Variants in KIAA2012 observed in about 807,000 individuals in gnomAD.
KIAA2012 encodes uncharacterized protein KIAA2012.
Under a neutral mutation model 150.6 loss-of-function variants are expected in KIAA2012, and 125 were observed. The observed-to-expected ratio is 0.83, with a 90% confidence interval of 0.72 to 0.96. The LOEUF (loss-of-function observed/expected upper bound fraction) is 0.96, where lower values mean the gene tolerates loss of function less well. KIAA2012 is among the 40% of genes least tolerant of loss of function. The pLI, the probability that KIAA2012 is intolerant of heterozygous loss-of-function variation, is 0.00. For synonymous variants in KIAA2012, 462 were observed against 504.7 expected, an observed-to-expected ratio of 0.92 and a Z score of 1.13; for missense variants, 1,219 against 1,354.9, an observed-to-expected ratio of 0.90 and a Z score of 1.57.
At chr2:202,183,637 G>A (rs1692167579) in intron 15 of KIAA2012, among the ~76,000 whole-genome samples, 1 of 151,910 alleles carries the variant, frequency 6.6e-6, no homozygotes, top group South Asian at 2.1e-4. Flanking sequence ...CCGAGTAGCA[G>A]GGATCACAGG....
At chr2:202,096,104 A>C (rs1020415120) in intron 4 of KIAA2012, among the ~76,000 whole-genome samples, 1 of 152,122 alleles carries the variant, frequency 6.6e-6, no homozygotes, top group African/African-American at 2.4e-5. Flanking sequence ...CACCCAAAAA[A>C]AAAGAGACTA....
intron 14 of KIAA2012, among the ~76,000 whole-genome samples, chr2:202,160,513 C>T (rs1314434267): frequency 5.3e-5 from 8 of 152,002 alleles, no homozygotes; most frequent in Non-Finnish European, 8.8e-5. Flanking sequence ...CGGGGTTTTA[C>T]CATGTTAGCC....
chr2:202,081,054 G>T (rs900225809), intron 2 of KIAA2012, among the ~76,000 whole-genome samples: 6 of 152,146 alleles, frequency 3.9e-5, no homozygotes, highest in African/African-American at 1.2e-4. Context: ...CTGTGAATTT[G>T]ACTATTCTGA....
chr2:202,155,949 T>G (rs1208213716), intron 14 of KIAA2012, among the ~76,000 whole-genome samples: 1 of 152,094 alleles, frequency 6.6e-6, no homozygotes, highest in African/African-American at 2.4e-5. Flanking sequence ...ATAAACCAAA[T>G]GTGGGTCACT....
chr2:202,193,065 A>T (rs71425922), intron 19 of KIAA2012, among the ~76,000 whole-genome samples: 16,247 of 152,212 alleles, frequency 0.11, 1,047 homozygotes, highest in Non-Finnish European at 0.13. Context: ...AATATCGGGA[A>T]GTTTAAGTTG....
At chr2:202,077,086 CCCAGCTCCTCCAGGTGACCCCA>C (rs368260303) in intron 2 of KIAA2012, 5,996 of 456,790 alleles carry the variant, frequency 0.013, 275 homozygotes, top group African/African-American at 0.11. Flanking sequence ...CACTATGACC[CCCAGCTCCTCCAGGTGACCCCA>C]CCAGCTCCTC....
intron 21 of KIAA2012, 77 bp from the exon 22 acceptor site, chr2:202,196,723 G>A (rs1692421804): frequency 2.7e-6 from 4 of 1,492,836 alleles, no homozygotes; most frequent in Non-Finnish European, 3.6e-6. Context: ...CAGAATCACA[G>A]ATTTGAGAGT....
At chr2:202,150,420 GGTTTTTTTGTTT>G (rs1347013378) in intron 13 of KIAA2012, among the ~76,000 whole-genome samples, 1 of 151,326 alleles carries the variant, frequency 6.6e-6, no homozygotes, top group Non-Finnish European at 1.5e-5. Context: ...TTTGGTGTGG[GGTTTTTTTGTTT>G]GTTTTTTTGT....
intron 11 of KIAA2012, among the ~76,000 whole-genome samples, chr2:202,120,631 G>T (rs954543619): frequency 2.6e-5 from 4 of 152,024 alleles, no homozygotes; most frequent in East Asian, 1.9e-4. Context: ...CTGCCACAAC[G>T]ATTGCTATTT....
chr2:202,113,722 T>G (rs935863969), intron 11 of KIAA2012: 13 of 375,804 alleles, frequency 3.5e-5, no homozygotes, highest in African/African-American at 6.2e-5. Flanking sequence ...GATGCCTTGA[T>G]GAGAATGATA....
At chr2:202,204,274 G>A (rs778861278) in intron 23 of KIAA2012, among the ~76,000 whole-genome samples, 3 of 151,724 alleles carry the variant, frequency 2.0e-5, no homozygotes, top group Admixed American at 6.6e-5. Flanking sequence ...ATGGGGTTTC[G>A]TCATGATGCT....
intron 11 of KIAA2012, chr2:202,115,035 T>C (rs1690479564): frequency 6.0e-6 from 1 of 166,910 alleles, no homozygotes; most frequent in Non-Finnish European, 1.5e-5. Flanking sequence ...CATCTTCCTA[T>C]AAAGGTCTGG....
chr2:202,078,464 AT>A (rs1452994553), intron 2 of KIAA2012, among the ~76,000 whole-genome samples: 2 of 151,608 alleles, frequency 1.3e-5, no homozygotes, highest in Non-Finnish European at 2.9e-5. Context: ...AATTTTTTGT[AT>A]TTTTGTAGAG....
intron 14 of KIAA2012, among the ~76,000 whole-genome samples, chr2:202,161,300 A>G (rs1200905910): frequency 6.6e-6 from 1 of 152,084 alleles, no homozygotes; most frequent in Non-Finnish European, 1.5e-5. Context: ...CTCCTCTCCC[A>G]GTCTTATAAT....
In KIAA2012 at chr2:202,188,183, A is replaced by T; in HGVS notation, c.2408A>T (p.Lys803Met). The change falls in exon 18 of 24, where the codon AAG becomes ATG. Residue 803 changes from lysine to methionine, a missense_variant. Lys to Met is a moderately conservative substitution (Grantham distance 95). Transcript: ENST00000498697. ...GATTTGATTAACGAGGCCAAGAGAA[A>T]GGAAAAACCCAAGAAAGACAAAACC... The part of the protein sequence containing the change: ...ERDLINEAKR[K>M]EKPKKDKTKG... The T allele has an allele frequency of 6.4e-7, 1 of 1,550,792 alleles. No individual in the cohort carries two copies. The highest frequency in any genetic ancestry group is 8.7e-7 in the Non-Finnish European group (1 of 1,147,034).
intron 15 of KIAA2012, among the ~76,000 whole-genome samples, chr2:202,168,445 A>T: frequency 6.6e-6 from 1 of 151,476 alleles, no homozygotes; most frequent in African/African-American, 2.4e-5. Flanking sequence ...GAAAGAAAAA[A>T]AAAGAAAAGT....
chr2:202,125,788 G>C (rs945021629), intron 12 of KIAA2012: 2 of 430,738 alleles, frequency 4.6e-6, no homozygotes, highest in African/African-American at 2.1e-5. Context: ...GCAAAAACTG[G>C]GAGTATAGGT....
Position 202,105,884 on chromosome 2 carries a change from C to T in KIAA2012, c.1448C>T (p.Ala483Val), listed in dbSNP as rs1229689290. 2.6e-6 allele frequency: 4 copies of T among 1,550,880 alleles called. No individual in the cohort carries two copies. Among genetic ancestry groups the T allele is most frequent in the South Asian group, 1.2e-5 (1 of 84,066 alleles). The change falls in exon 9 of 24, where the codon GCG becomes GTG. Residue 483 changes from alanine to valine, a missense_variant. Physicochemically the swap from Ala to Val is moderately conservative, Grantham distance 64. Coordinates refer to ENST00000498697, the MANE Select transcript of KIAA2012 (RefSeq NM_001277372.4). ...TTAACAGTGCATCTCCCAGTGGACG[C>T]GAGCAGGGACACACTCTCACCTCAA... ...WELTVHLPVD[A>V]SRDTLSPQDD...
chr2:202,128,439 GTTT>G lies in KIAA2012; in HGVS notation c.1831+3167_1831+3169del, dbSNP rs138151145. Among the ~76,000 whole-genome samples the G allele has an allele frequency of 1.1e-4, 16 of 145,948 alleles. No homozygotes were observed. In the East Asian group the frequency reaches 1.2e-3, roughly 11 times the overall value. Reference sequence around the variant, plus strand: ...TGCCATCATGCCTGTCTTTTTGGGGGTTTTTTTTTTTTGGTAGAGATGGGGTTT... The same window carrying G: ...TGCCATCATGCCTGTCTTTTTGGGGGTTTTTTTTTGGTAGAGATGGGGTTT... On this transcript the variant is annotated intron_variant, in intron 12 of 23. Transcript: ENST00000498697.
Sources: gnomAD v4.1 joint callset for allele counts (sites outside exome capture counted in the v4.1 genomes callset) on GRCh38, gnomAD v4.1.1 for gene constraint, MANE v1.5 for transcripts, NCBI Gene and HGNC (gene_info 2026-07-23, HGNC 2026-07-21) for gene names.